The following PCDH9 variants were observed in gnomAD, a reference collection of about 807,000 sequenced individuals.
The protein encoded by PCDH9 is protocadherin-9.
Under a neutral mutation model 70.6 loss-of-function variants are expected in PCDH9, and 24 were observed. The ratio of observed to expected loss-of-function variants is 0.34; its 90% CI spans 0.25 to 0.48. PCDH9 has a LOEUF of 0.48. Ranked by LOEUF, PCDH9 falls within the 20% of genes least tolerant of loss-of-function variation. The probability of loss-of-function intolerance (pLI) is 0.99; values close to 1 mark genes in which losing one functional copy is unlikely to be tolerated. For missense variants in PCDH9, 1,281 were observed against 1,503.6 expected, an observed-to-expected ratio of 0.85 and a Z score of 2.45; for synonymous variants, 562 against 558.5, an observed-to-expected ratio of 1.01 and a Z score of -0.09.
At chr13:66,667,810 AACCTATACTTAGCTTC>A (rs2078117064) in intron 3 of PCDH9, among the ~76,000 whole-genome samples, 1 of 152,152 alleles carries the variant, frequency 6.6e-6, no homozygotes, top group African/African-American at 2.4e-5. Flanking sequence ...ATTTGAAGGG[AACCTATACTTAGCTTC>A]ACAACTAAAT....
At chr13:66,985,907 G>A (rs2083881796) in intron 2 of PCDH9, 1 of 152,010 alleles carries the variant, frequency 6.6e-6, no homozygotes. Flanking sequence ...CCACAAATCA[G>A]TAGTCATTAT....
At chr13:66,582,113 T>A (rs2076900476) in intron 4 of PCDH9, among the ~76,000 whole-genome samples, 1 of 152,174 alleles carries the variant, frequency 6.6e-6, no homozygotes, top group East Asian at 1.9e-4. Context: ...AGAAAAGTAC[T>A]CTTATTTTTA....
intron 4 of PCDH9, among the ~76,000 whole-genome samples, chr13:66,449,567 A>C (rs1958164843): frequency 6.6e-6 from 1 of 152,148 alleles, no homozygotes; most frequent in Non-Finnish European, 1.5e-5. Flanking sequence ...TGTTACGCCC[A>C]CCTCACAAGA....
At chr13:66,821,246 T>C (rs913095309) in intron 3 of PCDH9, among the ~76,000 whole-genome samples, 8 of 152,186 alleles carry the variant, frequency 5.3e-5, no homozygotes, top group African/African-American at 1.4e-4. Context: ...AGTACGATTA[T>C]GTTTTCTCAC....
rs373423122 is a variant in PCDH9, at chr13:66,811,543, G to A, written c.3138+91961C>T. Among the ~76,000 whole-genome samples, 64 of 152,184 alleles carry A rather than the reference G, an allele frequency of 4.2e-4. No homozygotes were observed. In the Middle Eastern group the frequency reaches 0.01, roughly 24 times the overall value. On this transcript the variant is annotated intron_variant, in intron 3 of 4. Coordinates refer to ENST00000377865, the MANE Select transcript of PCDH9 (RefSeq NM_203487.3). The stretch of plus-strand genomic sequence containing the variant: ...TTGGAAAAAGTTTTGCTCACTGGCA[G>A]TCAATTTCAAGTTTGATTCATTCCT...
intron 4 of PCDH9, among the ~76,000 whole-genome samples, chr13:66,570,786 C>T (rs2076722910): frequency 6.6e-6 from 1 of 152,050 alleles, no homozygotes; most frequent in Admixed American, 6.6e-5. Context: ...ATGACAGTTA[C>T]TTTTGTAAGA....
chr13:66,964,983 C>A (rs1190066178), intron 2 of PCDH9, among the ~76,000 whole-genome samples: 1 of 151,640 alleles, frequency 6.6e-6, no homozygotes, highest in Non-Finnish European at 1.5e-5. Flanking sequence ...TTAGAGTCAG[C>A]AAGTTTTTGC....
intron 2 of PCDH9, among the ~76,000 whole-genome samples, chr13:67,189,306 A>C (rs1243090858): frequency 6.6e-6 from 1 of 152,002 alleles, no homozygotes. Context: ...AGCATACTGT[A>C]ACTTTCAAGA....
In PCDH9 at chr13:67,049,644, G is replaced by A. The variant is rs571240062; in HGVS notation, c.3037-146039C>T. Among the ~76,000 whole-genome samples the A allele has an allele frequency of 1.1e-3, 167 of 152,252 alleles. 1 individual carries two copies. Among genetic ancestry groups the A allele is most frequent in the Admixed American group, 4.8e-3 (74 of 15,282 alleles). On this transcript the variant is annotated intron_variant, in intron 2 of 4. Coordinates refer to ENST00000377865, the MANE Select transcript of PCDH9 (RefSeq NM_203487.3). Reference sequence around the variant, plus strand: ...CAAACAAGGCACCGAGCACTTACTGGTAGCTTTCTGAATATCCCCATATCT... The same window carrying A: ...CAAACAAGGCACCGAGCACTTACTGATAGCTTTCTGAATATCCCCATATCT...
chr13:66,529,663 G>A (rs563822821), intron 4 of PCDH9, among the ~76,000 whole-genome samples: 20 of 151,470 alleles, frequency 1.3e-4, no homozygotes, highest in Non-Finnish European at 2.5e-4. Flanking sequence ...TTTTTTTCCC[G>A]TTTGCAAAAG....
intron 3 of PCDH9, among the ~76,000 whole-genome samples, chr13:66,768,197 C>G (rs1471978139): frequency 1.3e-5 from 2 of 151,846 alleles, no homozygotes; most frequent in Non-Finnish European, 2.9e-5. Context: ...TATAGCTGTC[C>G]ATTAAATGTG....
intron 4 of PCDH9, among the ~76,000 whole-genome samples, chr13:66,420,155 G>T (rs1259006898): frequency 6.6e-6 from 1 of 152,150 alleles, no homozygotes; most frequent in East Asian, 1.9e-4. Flanking sequence ...ATCTCTGAAA[G>T]AAAGGCAGCA....
At position 66,810,880 on chromosome 13, in the gene PCDH9, G is replaced by A. The variant is rs564367944; in HGVS notation, c.3138+92624C>T. Among the ~76,000 whole-genome samples the A allele has an allele frequency of 7.9e-5, 12 of 151,846 alleles. No homozygotes were observed. In the East Asian group the frequency reaches 1.5e-3, roughly 20 times the overall value. On this transcript the variant is annotated intron_variant, in intron 3 of 4. Transcript: ENST00000377865. ...TATAGTGTTTCAACACAAGATATAT[G>A]TTGCTATCTTCTTTTATGGATGAAG...
chr13:66,939,819 C>T lies in PCDH9; in HGVS notation c.3037-36214G>A, dbSNP rs1426722740. On this transcript the variant is annotated intron_variant, in intron 2 of 4. Transcript: ENST00000377865. ...AAGACTACAAGGCTCAACGTATAGG[C>T]GCATTTAGTATGCTGTCAGGTAATA... 4.6e-5 allele frequency among the ~76,000 whole-genome samples: 7 copies of T among 151,860 alleles called. No homozygotes were observed. In the South Asian group the frequency reaches 6.2e-4, roughly 14 times the overall value.
chr13:66,939,527 C>T (rs1243584376), intron 2 of PCDH9, among the ~76,000 whole-genome samples: 3 of 151,758 alleles, frequency 2.0e-5, no homozygotes, highest in African/African-American at 4.8e-5. Context: ...CCGTCCGCCT[C>T]CCAGGTTCAA....
chr13:66,419,361 C>T (rs186414181), intron 4 of PCDH9, among the ~76,000 whole-genome samples: 41 of 152,006 alleles, frequency 2.7e-4, no homozygotes, highest in Middle Eastern at 3.4e-3. Context: ...AGGATTCCCA[C>T]GCAAGATGGC....
intron 2 of PCDH9, among the ~76,000 whole-genome samples, chr13:66,945,944 T>C (rs1183612359): frequency 1.3e-5 from 2 of 152,166 alleles, no homozygotes; most frequent in South Asian, 2.1e-4. Flanking sequence ...ATGGTACCAA[T>C]TTACATTTCT....
intron 3 of PCDH9, among the ~76,000 whole-genome samples, chr13:66,876,174 A>C (rs1302218411): frequency 6.6e-6 from 1 of 152,202 alleles, no homozygotes; most frequent in Non-Finnish European, 1.5e-5. Context: ...TAACTTACTA[A>C]AACCAATAGC....
At chr13:66,600,418 G>A (rs555584662) in intron 4 of PCDH9, among the ~76,000 whole-genome samples, 1 of 151,906 alleles carries the variant, frequency 6.6e-6, no homozygotes, top group South Asian at 2.1e-4. Flanking sequence ...ATTTTACTCT[G>A]CTAGTATTAT....
Sources: gnomAD v4.1 joint callset for allele counts (sites outside exome capture counted in the v4.1 genomes callset) on GRCh38, gnomAD v4.1.1 for gene constraint, MANE v1.5 for transcripts, NCBI Gene and HGNC (gene_info 2026-07-23, HGNC 2026-07-21) for gene names.